The following PSMD3 variants were observed in gnomAD, a reference collection of about 807,000 sequenced individuals.
PSMD3 encodes the protein proteasome 26S subunit, non-ATPase 3, also known as 26S proteasome non-ATPase regulatory subunit 3.
A neutral mutation model predicts 62.8 loss-of-function variants in PSMD3; 5 were observed. The observed-to-expected ratio is 0.08, with a 90% CI of 0.04 to 0.17. The LOEUF is 0.17. Ranked by LOEUF, PSMD3 falls within the 10% of genes least tolerant of loss-of-function variation. The pLI is 1.00. For missense variants in PSMD3, 524 were observed against 713.6 expected, an observed-to-expected ratio of 0.73 and a Z score of 3.03; for synonymous variants, 265 against 283.9, an observed-to-expected ratio of 0.93 and a Z score of 0.67.
chr17:39,992,998 C>T (rs116558809), intron 6 of PSMD3: 1 of 152,276 alleles, frequency 6.6e-6, no homozygotes, highest in African/African-American at 2.4e-5. Flanking sequence ...ATTACTAACT[C>T]CGTTACTCTG....
chr17:39,981,533 G>A (rs1980385232), intron 1 of PSMD3, among the ~76,000 whole-genome samples: 1 of 152,164 alleles, frequency 6.6e-6, no homozygotes, highest in African/African-American at 2.4e-5. Context: ...TCCAATATAT[G>A]ACTGATTGTT....
Position 39,997,740 on chromosome 17 carries a change from C to T in PSMD3, c.*159C>T. Reference sequence around the variant, plus strand: ...GGGAGCCAGCCACCCTGACCTCCCCCAGGGCTCCTCCCCAGCCGGTGACTT... The same window carrying T: ...GGGAGCCAGCCACCCTGACCTCCCCTAGGGCTCCTCCCCAGCCGGTGACTT... On this transcript the variant is annotated 3_prime_UTR_variant, in exon 12 of 12. Coordinates refer to ENST00000264639, the MANE Select transcript of PSMD3 (RefSeq NM_002809.4). The T allele has an allele frequency of 1.2e-6, 1 of 817,116 alleles. No individual in the cohort carries two copies. The highest frequency in any genetic ancestry group is 1.9e-6 in the Non-Finnish European group (1 of 517,166). The allele number at this position is 817,116 out of a possible 1,614,324, so 50.6% of individuals were successfully genotyped here.
Position 39,980,888 on chromosome 17 carries a change from C to G in PSMD3, c.-83C>G, listed in dbSNP as rs1205853168. ...GCTATCTCGCGCTCGTGTGCAGGCC[C>G]GGCTCGGCTCCTGGTCCCCGGTGCG... is the stretch of plus-strand genomic sequence containing the variant. On this transcript the variant is annotated 5_prime_UTR_variant, in exon 1 of 12. Transcript: ENST00000264639. 5 of 1,261,848 alleles carry G rather than the reference C, an allele frequency of 4.0e-6. No individual in the cohort carries two copies. Among genetic ancestry groups the G allele is most frequent in the South Asian group, 1.6e-5 (1 of 63,808 alleles). The allele number at this position is 1,261,848 out of a possible 1,614,324, so 78.2% of individuals were successfully genotyped here. A position where few individuals can be genotyped will look rare whatever the true frequency, so the allele number is the denominator to read the frequency against.
chr17:39,980,988 G>A lies in PSMD3; in HGVS notation c.18G>A (p.Ser6=). 6.5e-7 allele frequency: 1 copy of A among 1,547,286 alleles called. No homozygotes were observed. The highest frequency in any genetic ancestry group is 1.2e-5 in the South Asian group (1 of 83,624). Residue 6 remains serine (S), a synonymous_variant, in exon 1 of 12, where the codon TCG becomes TCA. Coordinates refer to ENST00000264639, the MANE Select transcript of PSMD3 (RefSeq NM_002809.4). MKQEG[S]ARRRGADKAK... is the part of the protein sequence containing the mutation. Reference sequence around the variant, plus strand: ...CGGGTGCCATGAAGCAGGAGGGCTCGGCGCGGCGCCGCGGCGCGGACAAGG... The same window carrying A: ...CGGGTGCCATGAAGCAGGAGGGCTCAGCGCGGCGCCGCGGCGCGGACAAGG...
rs1440494955 is a variant in PSMD3 at position 39,995,119 on chromosome 17, C to A, written c.1096+51C>A. ...GCCCACTAGGCCCCCTTCAGTGGGGCCTCTTACATGCCTGTGCCTATTTGC... is the reference window on the plus strand; with the variant it reads ...GCCCACTAGGCCCCCTTCAGTGGGGACTCTTACATGCCTGTGCCTATTTGC... On this transcript the variant is annotated intron_variant, in intron 7 of 11. Coordinates refer to ENST00000264639, the MANE Select transcript of PSMD3 (RefSeq NM_002809.4). This position sits in a 1 kb window ranked among gnomAD's most constrained non-coding sequence, Gnocchi z 4.1. 2 of 1,613,876 alleles carry A rather than the reference C, an allele frequency of 1.2e-6. No homozygotes were observed. Among genetic ancestry groups the A allele is most frequent in the Non-Finnish European group, 1.7e-6 (2 of 1,179,888 alleles).
chr17:39,990,548 C>T (rs543771591), intron 6 of PSMD3, among the ~76,000 whole-genome samples: 1 of 152,334 alleles, frequency 6.6e-6, no homozygotes, highest in Admixed American at 6.5e-5. Flanking sequence ...CCTTCGGCCT[C>T]TGCCTCCCTA....
chr17:39,985,481 T>C (rs1980502082), intron 2 of PSMD3, among the ~76,000 whole-genome samples: 1 of 152,186 alleles, frequency 6.6e-6, no homozygotes, highest in Non-Finnish European at 1.5e-5. Flanking sequence ...AGGAGAGACC[T>C]CTCCTTATCC....
At position 39,990,229 on chromosome 17, in the gene PSMD3, C is replaced by CTTT. The variant is rs4065322; in HGVS notation, c.981+48_981+50dup. 8.8e-3 allele frequency: 10,172 copies of CTTT among 1,149,390 alleles called. 5 individuals are homozygous for CTTT. The highest frequency in any genetic ancestry group is 0.011 in the African/African-American group (641 of 56,956). 71.2% of individuals were successfully genotyped at this position (1,149,390 alleles called of 1,614,324 possible). On this transcript the variant is annotated intron_variant, in intron 6 of 11. Transcript: ENST00000264639. ...CACAACTACCATCATCCCTTTGCCT[C>CTTT]TTTTTTTTTTTTTTTTTTAAATGGT...
chr17:39,984,331 T>C lies in PSMD3; in HGVS notation c.258T>C (p.Val86=). The part of the protein sequence containing the change: ...KEHVKQLEKA[V]SGKEPRFVLR... Reference sequence around the variant, plus strand: ...ACGTGAAACAGCTAGAGAAAGCGGTTTCAGGCAAGGAGCCGAGATTCGTGC... The same window carrying C: ...ACGTGAAACAGCTAGAGAAAGCGGTCTCAGGCAAGGAGCCGAGATTCGTGC... The change falls in exon 2 of 12, where the codon GTT becomes GTC. Residue 86 remains valine, a synonymous_variant. Coordinates refer to ENST00000264639, the MANE Select transcript of PSMD3 (RefSeq NM_002809.4). 1 of 1,613,766 alleles carries C rather than the reference T, an allele frequency of 6.2e-7. No individual in the cohort carries two copies.
rs775992777 is a variant in PSMD3, at chr17:39,990,215, T to C, written c.981+18T>C. 9.9e-6 allele frequency: 14 copies of C among 1,414,324 alleles called. No individual in the cohort carries two copies. Among genetic ancestry groups the C allele is most frequent in the Non-Finnish European group, 1.3e-5 (13 of 1,020,198 alleles). 87.6% of individuals were successfully genotyped at this position (1,414,324 alleles called of 1,614,324 possible). A position where few individuals can be genotyped will look rare whatever the true frequency, so the allele number is the denominator to read the frequency against. On this transcript the variant is annotated intron_variant, in intron 6 of 11. Transcript: ENST00000264639. ...AACAGACGGTGAGCCACAACTACCATCATCCCTTTGCCTCTTTTTTTTTTT... is the reference window on the plus strand; with the variant it reads ...AACAGACGGTGAGCCACAACTACCACCATCCCTTTGCCTCTTTTTTTTTTT...
chr17:39,985,005 A>G (rs62065167), intron 2 of PSMD3, among the ~76,000 whole-genome samples: 3,956 of 152,048 alleles, frequency 0.026, 74 homozygotes, highest in Non-Finnish European at 0.04. Context: ...GGATTCAAAC[A>G]ATCTGCCCGC....
At position 39,995,309 on chromosome 17, in the gene PSMD3, T is replaced by G; in HGVS notation, c.1216+14T>G. ...TGATTAAGACAGGTGTGGATCAGGA[T>G]CTGAGGGGCTGTTGGAGGAGCAGAA... On this transcript the variant is annotated intron_variant, in intron 8 of 11. Coordinates refer to ENST00000264639, the MANE Select transcript of PSMD3 (RefSeq NM_002809.4). This position sits in a 1 kb window ranked among gnomAD's most constrained non-coding sequence, Gnocchi z 4.1. 1 of 1,614,066 alleles carries G rather than the reference T, an allele frequency of 6.2e-7. No individual in the cohort carries two copies. Among genetic ancestry groups the G allele is most frequent in the Non-Finnish European group, 8.5e-7 (1 of 1,180,012 alleles).
At chr17:39,984,104 G>A (rs1053525918) in intron 1 of PSMD3, among the ~76,000 whole-genome samples, 190 bp from the exon 2 acceptor site, 1 of 150,022 alleles carries the variant, frequency 6.7e-6, no homozygotes. Flanking sequence ...GGAGGCTGAG[G>A]CAGGAGAATG....
Position 39,984,325 on chromosome 17 carries a change from A to G in PSMD3, c.252A>G (p.Lys84=), listed in dbSNP as rs139823763. 12 of 1,613,530 alleles carry G rather than the reference A, an allele frequency of 7.4e-6. No individual in the cohort carries two copies. In the African/African-American group the frequency reaches 1.3e-4, roughly 18 times the overall value. ...DIKEHVKQLE[K]AVSGKEPRFV... ...AGGAGCACGTGAAACAGCTAGAGAA[A>G]GCGGTTTCAGGCAAGGAGCCGAGAT... The change falls in exon 2 of 12, where the codon AAA becomes AAG. Residue 84 remains lysine (K), a synonymous_variant. Coordinates refer to ENST00000264639, the MANE Select transcript of PSMD3 (RefSeq NM_002809.4).
chr17:39,997,096 C>T (rs1029439949), intron 10 of PSMD3, among the ~76,000 whole-genome samples: 7 of 152,222 alleles, frequency 4.6e-5, no homozygotes, highest in African/African-American at 7.2e-5. Context: ...TCCTCCTTTT[C>T]CTCCTCCCTG....
chr17:39,985,460 G>A (rs1306107882), intron 2 of PSMD3, among the ~76,000 whole-genome samples: 4 of 152,212 alleles, frequency 2.6e-5, no homozygotes, highest in Non-Finnish European at 5.9e-5. Flanking sequence ...TGGTGGTGGC[G>A]CCTCCGTGCC....
chr17:39,985,309 G>T (rs1351609912), intron 2 of PSMD3, among the ~76,000 whole-genome samples: 1 of 152,190 alleles, frequency 6.6e-6, no homozygotes, highest in African/African-American at 2.4e-5. Flanking sequence ...GTACCTGTGG[G>T]ACTTGGGCGA....
rs143167995 is a variant in PSMD3, at chr17:39,990,140, G to A, written c.924G>A (p.Thr308=). The change falls in exon 6 of 12, where the codon ACG becomes ACA. Residue 308 remains threonine, a synonymous_variant. Coordinates refer to ENST00000264639, the MANE Select transcript of PSMD3 (RefSeq NM_002809.4). ...IQLEYSEARR[T]MTNALRKAPQ... ...TGGAGTACTCAGAGGCCCGGAGAAC[G>A]ATGACCAACGCCCTTCGCAAGGCCC... 8.5e-5 allele frequency: 137 copies of A among 1,613,852 alleles called. 1 individual carries two copies. The African/African-American group carries it at 1.5e-3, about 18-fold the overall frequency.
chr17:39,994,832 G>A (rs1002680741), intron 6 of PSMD3, 122 bp from the exon 7 acceptor site: 4 of 810,850 alleles, frequency 4.9e-6, no homozygotes, highest in Non-Finnish European at 8.0e-6. Context: ...CTCTCTCTGG[G>A]CCTAAACAGT....
Sources: gnomAD v4.1 joint callset for allele counts (sites outside exome capture counted in the v4.1 genomes callset) on GRCh38, gnomAD v4.1.1 for gene constraint, Gnocchi (gnomAD v3.1) non-coding constraint, MANE v1.5 for transcripts, NCBI Gene and HGNC (gene_info 2026-07-23, HGNC 2026-07-21) for gene names.